Variants in ZMYM5 observed in about 807,000 individuals in gnomAD.
ZMYM5 encodes zinc finger MYM-type protein 5.
ZMYM5 carries 41 observed loss-of-function variants against 61.8 expected under a neutral mutation model. That is an observed-to-expected ratio of 0.66 (90% CI 0.52 to 0.86). The LOEUF (loss-of-function observed/expected upper bound fraction) is 0.86. Among genes scored for constraint, ZMYM5 ranks in the 40% least tolerant of loss-of-function variants. The pLI, the probability that ZMYM5 is intolerant of heterozygous loss-of-function variation, is 0.00. For missense variants in ZMYM5, 706 were observed against 786.7 expected (o/e 0.90, Z 1.23); for synonymous variants, 257 against 276.4 (o/e 0.93, Z 0.70).
chr13:19,827,172 T>C (rs1890955481), intron 7 of ZMYM5, among the ~76,000 whole-genome samples: 1 of 152,210 alleles, frequency 6.6e-6, no homozygotes, highest in African/African-American at 2.4e-5. Flanking sequence ...TTTTAGGGCA[T>C]GTTAATTACA....
At chr13:19,846,080 G>A (rs993231672) in intron 4 of ZMYM5, among the ~76,000 whole-genome samples, 2 of 152,150 alleles carry the variant, frequency 1.3e-5, no homozygotes, top group Admixed American at 1.3e-4. Context: ...ATATAACAAA[G>A]ATACTTGGAA....
intron 4 of ZMYM5, among the ~76,000 whole-genome samples, chr13:19,839,766 A>C (rs1235438925): frequency 6.6e-6 from 1 of 152,162 alleles, no homozygotes; most frequent in Non-Finnish European, 1.5e-5. Context: ...TAGTACACTT[A>C]CTTTCAAAAT....
rs957509458 is a variant in ZMYM5 at position 19,824,740 on chromosome 13, T to C, written c.1747A>G (p.Thr583Ala). The change falls in exon 8 of 8, where the codon ACC becomes GCC. Residue 583 changes from threonine to alanine, a missense_variant. Coordinates refer to ENST00000337963, the MANE Select transcript of ZMYM5 (RefSeq NM_001142684.2). Reference sequence around the variant, plus strand: ...AGACAAAACACAGAATCTTTTGAGGTTGAATAAAGTAACCAGGATCTAGTG... The same window carrying C: ...AGACAAAACACAGAATCTTTTGAGGCTGAATAAAGTAACCAGGATCTAGTG... ...KTTRSWLLYS[T>A]SKDSVFCLYC... 1 of 1,360,358 alleles carries C rather than the reference T, an allele frequency of 7.4e-7. No homozygotes were observed. The highest frequency in any genetic ancestry group is 9.8e-7 in the Non-Finnish European group (1 of 1,018,658). 84.3% of individuals were successfully genotyped at this position (1,360,358 alleles called of 1,614,324 possible).
intron 1 of ZMYM5, among the ~76,000 whole-genome samples, 184 bp from the exon 2 acceptor site, chr13:19,862,650 C>T (rs1037049684): frequency 6.6e-6 from 1 of 152,096 alleles, no homozygotes; most frequent in African/African-American, 2.4e-5. Flanking sequence ...AACGACGAGA[C>T]AAAGCTAAAA....
chr13:19,841,526 C>T (rs761108814), intron 4 of ZMYM5, among the ~76,000 whole-genome samples: 3 of 152,134 alleles, frequency 2.0e-5, no homozygotes, highest in African/African-American at 4.8e-5. Context: ...ATACTTTATA[C>T]ATTTTGTCAT....
chr13:19,849,195 G>C (rs562576767), intron 4 of ZMYM5, among the ~76,000 whole-genome samples: 1 of 152,242 alleles, frequency 6.6e-6, no homozygotes, highest in East Asian at 1.9e-4. Flanking sequence ...TAGGATTAAA[G>C]CGCAATGTGA....
intron 4 of ZMYM5, among the ~76,000 whole-genome samples, chr13:19,845,983 T>TA (rs1269914377): frequency 6.6e-6 from 1 of 152,202 alleles, no homozygotes; most frequent in African/African-American, 2.4e-5. Flanking sequence ...GTTTCAATCC[T>TA]ATAGTTCATC....
chr13:19,834,921 C>T (rs1454737295), intron 7 of ZMYM5, among the ~76,000 whole-genome samples: 1 of 151,520 alleles, frequency 6.6e-6, no homozygotes, highest in African/African-American at 2.4e-5. Context: ...AATCCTGGCC[C>T]CAAGTGATCT....
chr13:19,851,775 A>C lies in ZMYM5; in HGVS notation c.406T>G (p.Ser136Ala). The change falls in exon 3 of 8, where the codon TCC becomes GCC. Residue 136 changes from serine to alanine, a missense_variant. Physicochemically the swap from Ser to Ala is moderately conservative, Grantham distance 99 (BLOSUM62 1). Coordinates refer to ENST00000337963, the MANE Select transcript of ZMYM5 (RefSeq NM_001142684.2). ...ETNGGAEKKS[S>A]CFIEWGLPGT... ...GGAAGTCCCCATTCGATAAAACAGG[A>C]AGACTTTTTCTCTGCTCCTCCATTT... is the stretch of plus-strand genomic sequence containing the variant. 1 of 1,607,970 alleles carries C rather than the reference A, an allele frequency of 6.2e-7. No individual in the cohort carries two copies. Among genetic ancestry groups the C allele is most frequent in the Non-Finnish European group, 8.5e-7 (1 of 1,178,676 alleles).
At position 19,846,835 on chromosome 13, in the gene ZMYM5, G is replaced by C. The variant is rs142181193; in HGVS notation, c.586+4520C>G. Among the ~76,000 whole-genome samples the C allele has an allele frequency of 4.2e-3, 637 of 152,060 alleles. 2 individuals are homozygous for C. Among genetic ancestry groups the C allele is most frequent in the African/African-American group, 0.015 (617 of 41,460 alleles). On this transcript the variant is annotated intron_variant, in intron 4 of 7. Transcript: ENST00000337963. Reference sequence around the variant, plus strand: ...TCAGCTACTTAGGAGGCTGAGGTGGGAGGATAACTTGAGCCCAGAAGTTTG... The same window carrying C: ...TCAGCTACTTAGGAGGCTGAGGTGGCAGGATAACTTGAGCCCAGAAGTTTG...
At chr13:19,853,210 G>A (rs1331134596) in intron 2 of ZMYM5, among the ~76,000 whole-genome samples, 1 of 152,146 alleles carries the variant, frequency 6.6e-6, no homozygotes, top group African/African-American at 2.4e-5. Flanking sequence ...TATGCACTAA[G>A]CTATGATGAC....
chr13:19,845,102 C>T (rs564700041), intron 4 of ZMYM5, among the ~76,000 whole-genome samples: 4 of 152,072 alleles, frequency 2.6e-5, no homozygotes, highest in Non-Finnish European at 5.9e-5. Flanking sequence ...TAATTGCAAA[C>T]AGTAGAAACT....
rs779156770 is a variant in ZMYM5, at chr13:19,837,803, C to T, written c.891G>A (p.Lys297=). 1.2e-5 allele frequency: 19 copies of T among 1,590,672 alleles called. No homozygotes were observed. The highest frequency in any genetic ancestry group is 8.2e-5 in the African/African-American group (6 of 73,276). ...ATTCTACTGGAAGAATGACATTAGCCTTCTTTGTAGATGCATCTCTGAAAC... is the reference window on the plus strand; with the variant it reads ...ATTCTACTGGAAGAATGACATTAGCTTTCTTTGTAGATGCATCTCTGAAAC... The part of the protein sequence containing the change: ...IICKKDASTK[K]ANVILPVESS... Residue 297 remains lysine, a synonymous_variant, in exon 6 of 8, where the codon AAG becomes AAA. Coordinates refer to ENST00000337963, the MANE Select transcript of ZMYM5 (RefSeq NM_001142684.2).
At chr13:19,828,971 G>A (rs930043438) in intron 7 of ZMYM5, among the ~76,000 whole-genome samples, 2 of 152,108 alleles carry the variant, frequency 1.3e-5, no homozygotes, top group African/African-American at 4.8e-5. Context: ...CTAGCCGAGT[G>A]TGGTGGCACA....
At chr13:19,848,061 C>T (rs1566101335) in intron 4 of ZMYM5, among the ~76,000 whole-genome samples, 1 of 151,852 alleles carries the variant, frequency 6.6e-6, no homozygotes, top group Non-Finnish European at 1.5e-5. Flanking sequence ...ACCTCAGCAT[C>T]CTGAGATCAA....
rs923144127 is a variant in ZMYM5 at position 19,837,318 on chromosome 13, C to G, written c.1038+338G>C. ...ACAGATGTGAGCCACCACGTCCGGC[C>G]CCAAGGGGTAGTTTTCCAGCCCTTG... is the stretch of plus-strand genomic sequence containing the variant. On this transcript the variant is annotated intron_variant, in intron 6 of 7. Transcript: ENST00000337963. 3 of 862,284 alleles carry G rather than the reference C, an allele frequency of 3.5e-6. No homozygotes were observed. The South Asian group carries it at 6.2e-5, about 18-fold the overall frequency. The allele number at this position is 862,284 out of a possible 1,614,324, so 53.4% of individuals were successfully genotyped here.
rs1290487758 is a variant in ZMYM5, at chr13:19,851,789, G to A, written c.392C>T (p.Ala131Val). 6.2e-7 allele frequency: 1 copy of A among 1,610,014 alleles called. No homozygotes were observed. Among genetic ancestry groups the A allele is most frequent in the East Asian group, 2.2e-5 (1 of 44,866 alleles). The change falls in exon 3 of 8, where the codon GCA becomes GTA. Residue 131 changes from alanine (A) to valine (V), a missense_variant. Ala to Val is a moderately conservative substitution (Grantham distance 64). Coordinates refer to ENST00000337963, the MANE Select transcript of ZMYM5 (RefSeq NM_001142684.2). ...DEEDIETNGG[A>V]EKKSSCFIEW... ...GATAAAACAGGAAGACTTTTTCTCT[G>A]CTCCTCCATTTGTTTCTATGTCCTC...
Position 19,839,492 on chromosome 13 carries a change from G to T in ZMYM5, c.587-507C>A, listed in dbSNP as rs565438142. On this transcript the variant is annotated intron_variant, in intron 4 of 7. Transcript: ENST00000337963. ...CTACCTCTGCCCCCCAGGTTCAAGC[G>T]ATTTTCCTGCCTCAGCCTCCCGAGT... Among the ~76,000 whole-genome samples, 7 of 151,960 alleles carry T rather than the reference G, an allele frequency of 4.6e-5. No homozygotes were observed. The East Asian group carries it at 9.7e-4, about 21-fold the overall frequency.
intron 7 of ZMYM5, among the ~76,000 whole-genome samples, chr13:19,831,808 A>C (rs1031706015): frequency 6.6e-6 from 1 of 150,746 alleles, no homozygotes; most frequent in African/African-American, 2.4e-5. Flanking sequence ...AAAAAAAAAA[A>C]AAAAAACCAT....
Sources: gnomAD v4.1 joint callset for allele counts (sites outside exome capture counted in the v4.1 genomes callset) on GRCh38, gnomAD v4.1.1 for gene constraint, MANE v1.5 for transcripts, NCBI Gene and HGNC (gene_info 2026-07-23, HGNC 2026-07-21) for gene names.